Variants in DDC observed in about 807,000 individuals in gnomAD.
The protein encoded by DDC is dopa decarboxylase.
DDC carries 43 observed loss-of-function variants against 60.0 expected under a neutral mutation model. The observed-to-expected ratio is 0.72, with a 90% CI of 0.56 to 0.92. The LOEUF (loss-of-function observed/expected upper bound fraction) is 0.92, where lower values mean the gene tolerates loss of function less well. DDC is among the 40% of genes least tolerant of loss of function. DDC has a pLI of 0.00. For synonymous variants in DDC, 232 were observed against 234.6 expected, an observed-to-expected ratio of 0.99 and a Z score of 0.10; for missense variants, 573 against 620.2, an observed-to-expected ratio of 0.92 and a Z score of 0.81.
chr7:50,500,718 C>T (rs543433962), intron 7 of DDC, among the ~76,000 whole-genome samples: 13 of 152,332 alleles, frequency 8.5e-5, no homozygotes, highest in African/African-American at 2.4e-4. Context: ...GGTGGATATC[C>T]GTGTCCGCAG....
chr7:50,503,969 A>G, intron 7 of DDC, 24 bp downstream of exon 7: 1 of 1,580,482 alleles, frequency 6.3e-7, no homozygotes, highest in Non-Finnish European at 8.7e-7. Flanking sequence ...ATTTTCCAAA[A>G]AGAAAATGGA....
At chr7:50,459,848 G>A (rs78888611) in intron 14 of DDC, among the ~76,000 whole-genome samples, 1 of 139,344 alleles carries the variant, frequency 7.2e-6, no homozygotes, top group Non-Finnish European at 1.5e-5. Flanking sequence ...ATCAGCCCCC[G>A]GCCCGGCCAG....
In DDC at chr7:50,539,954, G is replaced by A. The variant is rs2044565682; in HGVS notation, c.276C>T (p.Asp92=). 6.2e-7 allele frequency: 1 copy of A among 1,613,948 alleles called. No homozygotes were observed. The highest frequency in any genetic ancestry group is 8.5e-7 in the Non-Finnish European group (1 of 1,180,004). The change falls in exon 3 of 15, where the codon GAC becomes GAT. Residue 92 remains aspartate, a synonymous_variant. Transcript: ENST00000444124. ...TGCAGCCAATGGCCCCGCACAGCAT[G>A]TCCGCAAGCATGGCCGGGTACGAGC... ...TASSYPAMLA[D]MLCGAIGCIG...
At chr7:50,462,287 T>C (rs545857727) in intron 14 of DDC, among the ~76,000 whole-genome samples, 1 of 145,264 alleles carries the variant, frequency 6.9e-6, no homozygotes, top group South Asian at 2.2e-4. Flanking sequence ...CCCAACAGGA[T>C]GACATTCTTA....
intron 12 of DDC, among the ~76,000 whole-genome samples, chr7:50,467,605 C>A (rs1442870359): frequency 6.6e-6 from 1 of 152,148 alleles, no homozygotes; most frequent in African/African-American, 2.4e-5. Context: ...AGAATAAACA[C>A]CGTGAGGAGG....
At chr7:50,469,395 G>A (rs11575502) in intron 12 of DDC, among the ~76,000 whole-genome samples, 7,998 of 152,152 alleles carry the variant, frequency 0.053, 490 homozygotes, top group African/African-American at 0.15. Flanking sequence ...CGGCACTGCT[G>A]GTCTGGAAGC....
intron 6 of DDC, among the ~76,000 whole-genome samples, chr7:50,507,864 C>T (rs1372104252): frequency 6.6e-6 from 1 of 152,186 alleles, no homozygotes; most frequent in African/African-American, 2.4e-5. Flanking sequence ...ATTTAATTGC[C>T]ACCACCTTAT....
intron 6 of DDC, among the ~76,000 whole-genome samples, chr7:50,511,661 A>G (rs1188664863): frequency 6.6e-6 from 1 of 152,124 alleles, no homozygotes; most frequent in African/African-American, 2.4e-5. Context: ...TCTGGGAGGC[A>G]GAGGTTGCAG....
At chr7:50,543,585 A>G (rs2044703851) in intron 2 of DDC, 1 of 437,304 alleles carries the variant, frequency 2.3e-6, no homozygotes, top group South Asian at 2.1e-5. Context: ...GACACGCTCT[A>G]TGTACCGAGT....
chr7:50,466,354 G>A (rs982682396), intron 13 of DDC, among the ~76,000 whole-genome samples: 32 of 151,820 alleles, frequency 2.1e-4, no homozygotes, highest in African/African-American at 2.7e-4. Flanking sequence ...GCGTGGTGGC[G>A]CACACCTGTA....
At chr7:50,540,579 T>C (rs1424346362) in intron 2 of DDC, among the ~76,000 whole-genome samples, 3 of 151,314 alleles carry the variant, frequency 2.0e-5, no homozygotes. Context: ...TGCCCCTGGC[T>C]CTTCTAGAGG....
At chr7:50,504,666 G>A (rs1376292075) in intron 6 of DDC, among the ~76,000 whole-genome samples, 1 of 152,036 alleles carries the variant, frequency 6.6e-6, no homozygotes, top group Non-Finnish European at 1.5e-5. Context: ...CTATGGAGCA[G>A]AAGCCTGGGA....
chr7:50,490,329 G>A (rs887315692), intron 9 of DDC, among the ~76,000 whole-genome samples: 1 of 152,094 alleles, frequency 6.6e-6, no homozygotes, highest in African/African-American at 2.4e-5. Context: ...ATTCATACAG[G>A]TATCTATAGG....
At chr7:50,473,849 G>A (rs1398134456) in intron 11 of DDC, among the ~76,000 whole-genome samples, 4 of 152,250 alleles carry the variant, frequency 2.6e-5, no homozygotes, top group Admixed American at 1.3e-4. Flanking sequence ...CAGGCTGGAG[G>A]ATCGAGGTGT....
At chr7:50,496,750 C>T (rs989225419) in intron 8 of DDC, among the ~76,000 whole-genome samples, 4 of 152,170 alleles carry the variant, frequency 2.6e-5, no homozygotes, top group African/African-American at 7.2e-5. Flanking sequence ...CCAGTCTGGC[C>T]GACTCTCCTA....
chr7:50,469,963 G>A (rs1326304462), intron 12 of DDC, 110 bp downstream of exon 12: 14 of 723,918 alleles, frequency 1.9e-5, no homozygotes, highest in Non-Finnish European at 3.1e-5. Flanking sequence ...TGGGGGACAA[G>A]AGTGAAACTC....
At chr7:50,492,947 C>A (rs1448178108) in intron 9 of DDC, 1 of 1,598,280 alleles carries the variant, frequency 6.3e-7, no homozygotes. Context: ...CTCCTTCTCA[C>A]CACCGCACTG....
intron 9 of DDC, among the ~76,000 whole-genome samples, chr7:50,492,437 C>T (rs934036764): frequency 2.0e-5 from 3 of 152,162 alleles, no homozygotes; most frequent in Non-Finnish European, 4.4e-5. Context: ...CTTGTTCTGT[C>T]GAGAACGCAC....
At position 50,539,986 on chromosome 7, in the gene DDC, TGG is replaced by T. The variant is rs746351814; in HGVS notation, c.242_243del (p.Pro81HisfsTer54). On this transcript the variant is annotated frameshift_variant, in exon 3 of 15. Coordinates refer to ENST00000444124, the MANE Select transcript of DDC (RefSeq NM_001082971.2). LOFTEE classifies it high-confidence loss of function. ...WHSPYFFAYF[P>X]TASSYPAMLA... Reference sequence around the variant, plus strand: ...AGCATGGCCGGGTACGAGCTGGCAGTGGGGAAGTAGGCGAAGAAGTAGGGGCT... The same window carrying T: ...AGCATGGCCGGGTACGAGCTGGCAGTGGAAGTAGGCGAAGAAGTAGGGGCT... 3 of 1,613,834 alleles carry T rather than the reference TGG, an allele frequency of 1.9e-6. No homozygotes were observed. The highest frequency in any genetic ancestry group is 2.5e-6 in the Non-Finnish European group (3 of 1,179,932).
Sources: gnomAD v4.1 joint callset for allele counts (sites outside exome capture counted in the v4.1 genomes callset) on GRCh38, gnomAD v4.1.1 for gene constraint, MANE v1.5 for transcripts, NCBI Gene and HGNC (gene_info 2026-07-23, HGNC 2026-07-21) for gene names.